NRCAM: variants seen among roughly 807,000 people sequenced by gnomAD.
NRCAM encodes NgCAM-related cell adhesion molecule.
In NRCAM, 83 loss-of-function variants were observed where a neutral mutation model predicts 156.5. That is an observed-to-expected ratio of 0.53 (90% confidence interval 0.44 to 0.64). The LOEUF (loss-of-function observed/expected upper bound fraction) is 0.64, where lower values mean the gene tolerates loss of function less well. Among genes scored for constraint, NRCAM ranks in the 30% least tolerant of loss-of-function variants. The probability of loss-of-function intolerance (pLI) is 0.00; values close to 1 mark genes in which losing one functional copy is unlikely to be tolerated. For synonymous variants in NRCAM, 538 were observed against 563.9 expected, an observed-to-expected ratio of 0.95 and a Z score of 0.65; for missense variants, 1,417 against 1,597.3, an observed-to-expected ratio of 0.89 and a Z score of 1.92.
intron 2 of NRCAM, among the ~76,000 whole-genome samples, chr7:108,314,201 A>G (rs1362475817): frequency 6.6e-6 from 1 of 152,218 alleles, no homozygotes; most frequent in East Asian, 1.9e-4. Context: ...AAGGGTTTGC[A>G]AAGACCACCA....
intron 1 of NRCAM, among the ~76,000 whole-genome samples, chr7:108,422,685 G>C (rs1237732590): frequency 2.0e-5 from 3 of 152,128 alleles, no homozygotes; most frequent in South Asian, 2.1e-4. Context: ...CCCCCATAAA[G>C]AAAGTCCTAC....
At chr7:108,211,105 C>G (rs1006357026) in intron 11 of NRCAM, among the ~76,000 whole-genome samples, 3 of 152,208 alleles carry the variant, frequency 2.0e-5, no homozygotes, top group African/African-American at 7.2e-5. Context: ...ATCCCAAATA[C>G]TGTGAGTGCC....
chr7:108,213,870 C>A (rs2086198779), intron 11 of NRCAM, among the ~76,000 whole-genome samples: 1 of 152,166 alleles, frequency 6.6e-6, no homozygotes. Context: ...GTTTTTGTCA[C>A]TGGTTCTCTT....
chr7:108,275,255 A>G (rs2097549120), intron 3 of NRCAM, among the ~76,000 whole-genome samples: 1 of 152,110 alleles, frequency 6.6e-6, no homozygotes. Context: ...GGCCTCATAA[A>G]ATGAGTTAGG....
At chr7:108,337,522 C>A (rs112422715) in intron 2 of NRCAM, among the ~76,000 whole-genome samples, 3 of 152,184 alleles carry the variant, frequency 2.0e-5, no homozygotes, top group East Asian at 3.9e-4. Context: ...CACTCCCAAT[C>A]GGGCTAAAGG....
rs576153014 is a variant in NRCAM at position 108,178,030 on chromosome 7, C to T, written c.2934G>A (p.Pro978=). Residue 978 remains proline, a synonymous_variant, in exon 26 of 33, where the codon CCG becomes CCA. Transcript: ENST00000379028. ...AGGTGTACTCTGTCAAAATGCCATTCGGGTGGCTCGGTGGATCCCATTCCA... is the reference window on the plus strand; with the variant it reads ...AGGTGTACTCTGTCAAAATGCCATTTGGGTGGCTCGGTGGATCCCATTCCA... The part of the protein sequence containing the change: ...LTLEWDPPSH[P]NGILTEYTLK... The T allele has an allele frequency of 7.4e-6, 12 of 1,613,516 alleles. No individual in the cohort carries two copies. Among genetic ancestry groups the T allele is most frequent in the East Asian group, 2.2e-5 (1 of 44,878 alleles).
At chr7:108,364,728 CAAA>C (rs34574826) in intron 2 of NRCAM, among the ~76,000 whole-genome samples, 2 of 132,462 alleles carry the variant, frequency 1.5e-5, no homozygotes. Context: ...TACGCTAAGT[CAAA>C]AAAAAAAAAG....
At chr7:108,417,752 T>C (rs905249326) in intron 1 of NRCAM, among the ~76,000 whole-genome samples, 1 of 152,182 alleles carries the variant, frequency 6.6e-6, no homozygotes, top group African/African-American at 2.4e-5. Context: ...TTCTCTTTCT[T>C]TCTTTTTCAC....
rs981872329 is a variant in NRCAM at position 108,311,239 on chromosome 7, A to G, written c.-107+1426T>C. ...TCCATACCTTACTGCTGATACTAGT[A>G]TTGTACTGGTAAGCCACCATACTTA... On this transcript the variant is annotated intron_variant, in intron 3 of 32. Coordinates refer to ENST00000379028, the MANE Select transcript of NRCAM (RefSeq NM_001037132.4). Among the ~76,000 whole-genome samples the G allele has an allele frequency of 3.3e-5, 5 of 152,348 alleles. No individual in the cohort carries two copies. The East Asian group carries it at 5.8e-4, about 18-fold the overall frequency.
intron 3 of NRCAM, among the ~76,000 whole-genome samples, chr7:108,279,526 G>A (rs2097773879): frequency 6.6e-6 from 1 of 151,828 alleles, no homozygotes; most frequent in Non-Finnish European, 1.5e-5. Flanking sequence ...GTTGTTGTTT[G>A]TTTGTTTTTT....
At position 108,244,558 on chromosome 7, in the gene NRCAM, G is replaced by A. The variant is rs116254113; in HGVS notation, c.-106-4388C>T. On this transcript the variant is annotated intron_variant, in intron 3 of 32. Coordinates refer to ENST00000379028, the MANE Select transcript of NRCAM (RefSeq NM_001037132.4). ...GAAAGGTTAGAGAGAAATGGACAAT[G>A]ACGACTAATAATTAACACATCAACA... 4.6e-3 allele frequency among the ~76,000 whole-genome samples: 704 copies of A among 152,274 alleles called. 8 individuals are homozygous for A. Among genetic ancestry groups the A allele is most frequent in the African/African-American group, 0.016 (678 of 41,546 alleles).
chr7:108,363,453 T>G (rs987418624), intron 2 of NRCAM, among the ~76,000 whole-genome samples: 1 of 152,122 alleles, frequency 6.6e-6, no homozygotes, highest in Non-Finnish European at 1.5e-5. Context: ...CCCAGCCAAA[T>G]TTTTCGCCAT....
At chr7:108,222,832 G>A (rs1588960506) in intron 11 of NRCAM, among the ~76,000 whole-genome samples, 1 of 152,238 alleles carries the variant, frequency 6.6e-6, no homozygotes, top group African/African-American at 2.4e-5. Context: ...CATACCAATG[G>A]TGTTTGCTCT....
rs2096713245 is a variant in NRCAM at position 108,257,118 on chromosome 7, GAA to G, written c.-106-16950_-106-16949del. Among the ~76,000 whole-genome samples the G allele has an allele frequency of 1.4e-5, 2 of 145,766 alleles. 1 individual carries two copies. The highest frequency in any genetic ancestry group is 1.3e-4 in the Admixed American group (2 of 15,000). On this transcript the variant is annotated intron_variant, in intron 3 of 32. Transcript: ENST00000379028. ...AGGAAGGAAGGAAAAGAAAAGAAAA[GAA>G]GAGAAAGGAAGGAAGGAAGAAAAGG...
At chr7:108,315,118 A>C (rs1250072882) in intron 2 of NRCAM, among the ~76,000 whole-genome samples, 1 of 152,140 alleles carries the variant, frequency 6.6e-6, no homozygotes, top group Non-Finnish European at 1.5e-5. Context: ...ATATATTTAT[A>C]TATCTGCACA....
chr7:108,265,612 C>T (rs1420649237), intron 3 of NRCAM, among the ~76,000 whole-genome samples: 1 of 152,308 alleles, frequency 6.6e-6, no homozygotes, highest in East Asian at 1.9e-4. Context: ...TTATAATAGT[C>T]AATACATATT....
chr7:108,190,309 T>C (rs2070398689), intron 19 of NRCAM, among the ~76,000 whole-genome samples: 1 of 152,152 alleles, frequency 6.6e-6, no homozygotes, highest in Non-Finnish European at 1.5e-5. Context: ...AGGACAACAG[T>C]GTATAGACAG....
chr7:108,393,099 A>C (rs140791664), intron 2 of NRCAM, among the ~76,000 whole-genome samples: 1,785 of 152,272 alleles, frequency 0.012, 37 homozygotes, highest in African/African-American at 0.039. Flanking sequence ...AAGCTGTCAG[A>C]CAGGGACATT....
chr7:108,327,960 T>C (rs1191398480), intron 2 of NRCAM, among the ~76,000 whole-genome samples: 1 of 152,160 alleles, frequency 6.6e-6, no homozygotes, highest in African/African-American at 2.4e-5. Flanking sequence ...AAAATTGTCT[T>C]AAGGTAATAT....
Sources: gnomAD v4.1 joint callset for allele counts (sites outside exome capture counted in the v4.1 genomes callset) on GRCh38, gnomAD v4.1.1 for gene constraint, MANE v1.5 for transcripts, NCBI Gene and HGNC (gene_info 2026-07-23, HGNC 2026-07-21) for gene names.